Variants in CDH12 observed in about 807,000 individuals in gnomAD.
CDH12 encodes cadherin-12.
A neutral mutation model predicts 74.1 loss-of-function variants in CDH12; 41 were observed. That is an observed-to-expected ratio of 0.55 (90% CI 0.43 to 0.72). The LOEUF (loss-of-function observed/expected upper bound fraction) is 0.72, where lower values mean the gene tolerates loss of function less well. Among genes scored for constraint, CDH12 ranks in the 30% least tolerant of loss-of-function variants. CDH12 has a pLI of 0.00. For synonymous variants in CDH12, 399 were observed against 355.0 expected, an observed-to-expected ratio of 1.12 and a Z score of -1.39; for missense variants, 945 against 977.2, an observed-to-expected ratio of 0.97 and a Z score of 0.44.
chr5:22,223,962 C>T lies in CDH12; in HGVS notation c.-332-11319G>A, dbSNP rs79030300. Among the ~76,000 whole-genome samples the T allele has an allele frequency of 1.9e-4, 29 of 152,084 alleles. No individual in the cohort carries two copies. In the East Asian group the frequency reaches 5.4e-3, roughly 28 times the overall value. Reference sequence around the variant, plus strand: ...TATCACTGTCACTGAGCAATAGAGGCAGATTTCCAGAAGAGAGGCAGGTAG... The same window carrying T: ...TATCACTGTCACTGAGCAATAGAGGTAGATTTCCAGAAGAGAGGCAGGTAG... On this transcript the variant is annotated intron_variant, in intron 3 of 14. Transcript: ENST00000382254.
At chr5:21,849,277 C>T (rs2149995023) in intron 7 of CDH12, among the ~76,000 whole-genome samples, 1 of 151,856 alleles carries the variant, frequency 6.6e-6, no homozygotes, top group East Asian at 1.9e-4. Context: ...GGAATATTTT[C>T]CTTTCAAGCC....
At chr5:22,345,901 C>T (rs1740088022) in intron 3 of CDH12, among the ~76,000 whole-genome samples, 2 of 151,848 alleles carry the variant, frequency 1.3e-5, no homozygotes, top group Admixed American at 6.6e-5. Flanking sequence ...GTCAGGAGTT[C>T]GAGACCAGCC....
At chr5:22,280,521 T>TA (rs1736831194) in intron 3 of CDH12, among the ~76,000 whole-genome samples, 1 of 151,598 alleles carries the variant, frequency 6.6e-6, no homozygotes, top group Non-Finnish European at 1.5e-5. Flanking sequence ...ACAGACGCAA[T>TA]AAAAAATAAT....
chr5:21,903,329 G>C (rs1050224654), intron 6 of CDH12, among the ~76,000 whole-genome samples: 2 of 152,114 alleles, frequency 1.3e-5, no homozygotes, highest in African/African-American at 4.8e-5. Context: ...TTAGCTCCCT[G>C]TGAAAATAGT....
chr5:22,243,021 A>G (rs1466224080), intron 3 of CDH12, among the ~76,000 whole-genome samples: 1 of 151,988 alleles, frequency 6.6e-6, no homozygotes, highest in African/African-American at 2.4e-5. Context: ...TGATAGATCT[A>G]CTTGTCTTTG....
intron 8 of CDH12, among the ~76,000 whole-genome samples, chr5:21,841,138 G>T (rs1462753376): frequency 6.6e-6 from 1 of 151,912 alleles, no homozygotes; most frequent in African/African-American, 2.4e-5. Context: ...CAGAATCTAC[G>T]ATGAACTCAA....
intron 1 of CDH12, among the ~76,000 whole-genome samples, chr5:22,820,350 C>A (rs763712848): frequency 6.6e-6 from 1 of 151,920 alleles, no homozygotes; most frequent in Non-Finnish European, 1.5e-5. Flanking sequence ...GGGAGGGAAC[C>A]AGTGGGAGGT....
chr5:22,261,842 G>A (rs1188188054), intron 3 of CDH12, among the ~76,000 whole-genome samples: 4 of 149,824 alleles, frequency 2.7e-5, no homozygotes, highest in African/African-American at 9.8e-5. Flanking sequence ...ACTAACATAT[G>A]TGAGCATATA....
At chr5:21,895,969 A>G (rs917307078) in intron 6 of CDH12, among the ~76,000 whole-genome samples, 3 of 152,180 alleles carry the variant, frequency 2.0e-5, no homozygotes, top group African/African-American at 4.8e-5. Flanking sequence ...ATAACAATGG[A>G]CCAGGCAGAA....
At position 22,354,394 on chromosome 5, in the gene CDH12, TG is replaced by T. The variant is rs573741598; in HGVS notation, c.-333+50862del. ...CCAGTGGTGGGGAAATAAAGTTTAT[TG>T]TCAGTAGGTTCAGGGAGCTGCCATT... is the stretch of plus-strand genomic sequence containing the variant. On this transcript the variant is annotated intron_variant, in intron 3 of 14. Coordinates refer to ENST00000382254, the MANE Select transcript of CDH12 (RefSeq NM_004061.5). 2.1e-3 allele frequency among the ~76,000 whole-genome samples: 319 copies of T among 152,278 alleles called. 4 individuals carry two copies. Among genetic ancestry groups the T allele is most frequent in the Middle Eastern group, 3.4e-3 (1 of 294 alleles).
chr5:22,676,675 C>T (rs1283158569), intron 1 of CDH12, among the ~76,000 whole-genome samples: 1 of 152,130 alleles, frequency 6.6e-6, no homozygotes, highest in African/African-American at 2.4e-5. Flanking sequence ...CAAATTAAGA[C>T]CTTGCTCCAG....
intron 1 of CDH12, among the ~76,000 whole-genome samples, chr5:22,739,848 A>T (rs1744932877): frequency 6.6e-6 from 1 of 152,056 alleles, no homozygotes; most frequent in Non-Finnish European, 1.5e-5. Flanking sequence ...TGATTCCAAC[A>T]CTTACTTGCT....
intron 4 of CDH12, among the ~76,000 whole-genome samples, chr5:22,100,982 T>C (rs941479350): frequency 6.6e-6 from 1 of 152,176 alleles, no homozygotes; most frequent in African/African-American, 2.4e-5. Flanking sequence ...TGCTGTATTA[T>C]TTTACAATAG....
chr5:21,990,537 T>C (rs1054179714), intron 5 of CDH12, among the ~76,000 whole-genome samples: 6 of 151,972 alleles, frequency 3.9e-5, no homozygotes, highest in Admixed American at 2.6e-4. Flanking sequence ...TTTTCCTTCA[T>C]TTCTCTCCCT....
chr5:22,592,278 A>C (rs1736372796), intron 1 of CDH12, among the ~76,000 whole-genome samples: 1 of 152,182 alleles, frequency 6.6e-6, no homozygotes, highest in African/African-American at 2.4e-5. Context: ...CACAGGCTGT[A>C]CTTTCGGCAT....
chr5:21,842,005 T>TAA lies in CDH12; in HGVS notation c.814+154_814+155dup, dbSNP rs34987918. On this transcript the variant is annotated intron_variant, in intron 8 of 14. Transcript: ENST00000382254. The stretch of plus-strand genomic sequence containing the variant: ...CACATGTACCCTAAAACTTAAAGTA[T>TAA]AAAAAAAAAAAAAGATTTGTAATTT... 6.2e-3 allele frequency among the ~76,000 whole-genome samples: 886 copies of TAA among 142,078 alleles called. 3 individuals carry two copies. Among genetic ancestry groups the TAA allele is most frequent in the African/African-American group, 0.02 (780 of 39,318 alleles). The allele number at this position is 142,078 out of a possible 152,430, so 93.2% of individuals were successfully genotyped here. A position where few individuals can be genotyped will look rare whatever the true frequency, so the allele number is the denominator to read the frequency against.
intron 8 of CDH12, among the ~76,000 whole-genome samples, chr5:21,820,162 C>T (rs183024051): frequency 2.0e-5 from 3 of 151,912 alleles, no homozygotes; most frequent in Non-Finnish European, 2.9e-5. Context: ...GAAAGAGCCC[C>T]CTTTCCAAGA....
At chr5:22,302,029 A>AGT (rs1561295865) in intron 3 of CDH12, among the ~76,000 whole-genome samples, 3 of 151,640 alleles carry the variant, frequency 2.0e-5, no homozygotes, top group African/African-American at 7.3e-5. Flanking sequence ...AGAGAGAGAG[A>AGT]GAGTGAGTGA....
Position 21,783,364 on chromosome 5 carries a change from T to C in CDH12, c.1387A>G (p.Lys463Glu), listed in dbSNP as rs1472920085. 6 of 1,612,862 alleles carry C rather than the reference T, an allele frequency of 3.7e-6. No homozygotes were observed. Among genetic ancestry groups the C allele is most frequent in the Non-Finnish European group, 5.1e-6 (6 of 1,179,160 alleles). The change falls in exon 11 of 15, where the codon AAA becomes GAA. Residue 463 changes from lysine (K) to glutamate (E), a missense_variant. By Grantham distance (56) the Lys-to-Glu change is moderately conservative (BLOSUM62 1). This residue lies in a region of CDH12 where 791 missense variants were observed against 792.8 expected (regional missense o/e 1.00). Coordinates refer to ENST00000382254, the MANE Select transcript of CDH12 (RefSeq NM_004061.5). ...CTGTCCATGCCATACTTACTAACTT[T>C]ACTCGCAATTATGGAGAAATTATAC... ...AQYNFSIIAS[K>E]VSNPLLTSKV...
Sources: gnomAD v4.1 joint callset for allele counts (sites outside exome capture counted in the v4.1 genomes callset) on GRCh38, gnomAD v4.1.1 for gene constraint, gnomAD v4.1.1 regional missense constraint, MANE v1.5 for transcripts, NCBI Gene and HGNC (gene_info 2026-07-23, HGNC 2026-07-21) for gene names.